Variants in STK39 observed in about 807,000 individuals in gnomAD.
The protein encoded by STK39 is serine/threonine kinase 39, also known as STE20/SPS1-related proline-alanine-rich protein kinase.
A neutral mutation model predicts 77.8 loss-of-function variants in STK39; 20 were observed. That is an observed-to-expected ratio of 0.26 (90% CI 0.18 to 0.37). The LOEUF (loss-of-function observed/expected upper bound fraction) is 0.37. STK39 is among the 10% of genes least tolerant of loss of function. The probability of loss-of-function intolerance (pLI) is 1.00; values close to 1 mark genes in which losing one functional copy is unlikely to be tolerated. For missense variants in STK39, 479 were observed against 656.5 expected (o/e 0.73, Z 2.95); for synonymous variants, 246 against 234.1 (o/e 1.05, Z -0.47).
intron 8 of STK39, among the ~76,000 whole-genome samples, chr2:168,132,278 C>T (rs768411404): frequency 6.6e-6 from 1 of 151,800 alleles, no homozygotes; most frequent in Non-Finnish European, 1.5e-5. Context: ...TGTTTGAAGC[C>T]CTCATCATCT....
intron 14 of STK39, among the ~76,000 whole-genome samples, chr2:168,056,105 G>A (rs1334776140): frequency 2.0e-5 from 3 of 152,064 alleles, no homozygotes; most frequent in African/African-American, 7.3e-5. Context: ...GTCTAATCCT[G>A]TTCTCTGATA....
intron 5 of STK39, among the ~76,000 whole-genome samples, chr2:168,146,562 C>A (rs1025870912): frequency 6.6e-6 from 1 of 152,148 alleles, no homozygotes; most frequent in African/African-American, 2.4e-5. Context: ...TTCCTACAAG[C>A]AGCTTCTTTT....
In STK39 at chr2:167,954,315, A is replaced by C. The variant is rs1296244909; in HGVS notation, c.*1181T>G. 6.6e-6 allele frequency: 1 copy of C among 152,506 alleles called. No homozygotes were observed. Among genetic ancestry groups the C allele is most frequent in the Non-Finnish European group, 1.5e-5 (1 of 68,024 alleles). 9.4% of individuals were successfully genotyped at this position (152,506 alleles called of 1,614,324 possible). ...TTAGACTCCAATTTTCAAAATCCTA[A>C]GGTTTACTAGTTCCATAATATACAG... On this transcript the variant is annotated 3_prime_UTR_variant, in exon 18 of 18. Transcript: ENST00000355999.
At chr2:168,139,091 T>C (rs1343109953) in intron 7 of STK39, among the ~76,000 whole-genome samples, 1 of 152,168 alleles carries the variant, frequency 6.6e-6, no homozygotes, top group Non-Finnish European at 1.5e-5. Flanking sequence ...CGGCTTATTG[T>C]TTGTGGAGGA....
intron 17 of STK39, among the ~76,000 whole-genome samples, chr2:167,960,146 A>T (rs1002202395): frequency 5.9e-5 from 9 of 152,196 alleles, no homozygotes; most frequent in Non-Finnish European, 8.8e-5. Context: ...CCCAAGTGGA[A>T]GGTTTCCTCC....
At chr2:168,191,432 C>G (rs894220338) in intron 1 of STK39, among the ~76,000 whole-genome samples, 1 of 152,150 alleles carries the variant, frequency 6.6e-6, no homozygotes, top group Middle Eastern at 3.2e-3. Flanking sequence ...CCCAGTACAA[C>G]AACTCCAGAG....
At chr2:168,212,981 T>A (rs1169877636) in intron 1 of STK39, among the ~76,000 whole-genome samples, 2 of 152,182 alleles carry the variant, frequency 1.3e-5, no homozygotes. Flanking sequence ...CTGCCAATAT[T>A]TAGTCATATT....
intron 14 of STK39, among the ~76,000 whole-genome samples, chr2:168,028,208 A>G (rs1684749296): frequency 6.6e-6 from 1 of 152,204 alleles, no homozygotes; most frequent in Non-Finnish European, 1.5e-5. Flanking sequence ...AGGAATGTGC[A>G]AAGAGTAATA....
intron 16 of STK39, among the ~76,000 whole-genome samples, chr2:168,010,443 A>C (rs1003937849): frequency 2.0e-5 from 3 of 152,232 alleles, no homozygotes; most frequent in African/African-American, 4.8e-5. Flanking sequence ...AAGTTGAATC[A>C]ATCTTTTTTC....
intron 14 of STK39, among the ~76,000 whole-genome samples, chr2:168,025,692 CTT>C (rs1684678670): frequency 1.3e-5 from 2 of 152,114 alleles, no homozygotes; most frequent in South Asian, 4.1e-4. Flanking sequence ...AATTGTTGTA[CTT>C]AATGAGACAT....
In STK39 at chr2:168,144,919, C is replaced by T. The variant is rs185790369; in HGVS notation, c.629-4161G>A. Among the ~76,000 whole-genome samples the T allele has an allele frequency of 1.5e-3, 222 of 150,424 alleles. 1 individual carries two copies. Among genetic ancestry groups the T allele is most frequent in the Non-Finnish European group, 2.5e-3 (166 of 67,752 alleles). ...TCGCTTGAGCCCAGGAGGTCGAGGACGCAGTAAGCCATGATCATGCCACTG... is the reference window on the plus strand; with the variant it reads ...TCGCTTGAGCCCAGGAGGTCGAGGATGCAGTAAGCCATGATCATGCCACTG... On this transcript the variant is annotated intron_variant, in intron 5 of 17. Coordinates refer to ENST00000355999, the MANE Select transcript of STK39 (RefSeq NM_013233.3).
chr2:168,129,441 G>A (rs1358279901), intron 10 of STK39, 100 bp downstream of exon 10: 3 of 1,314,154 alleles, frequency 2.3e-6, no homozygotes, highest in Admixed American at 3.7e-5. Context: ...CGTCTGAATA[G>A]TATATCCTGC....
chr2:168,011,415 C>G (rs1684267753), intron 16 of STK39, among the ~76,000 whole-genome samples: 1 of 151,866 alleles, frequency 6.6e-6, no homozygotes, highest in South Asian at 2.1e-4. Flanking sequence ...ATATATTCCC[C>G]TAAGTAATAC....
intron 17 of STK39, among the ~76,000 whole-genome samples, chr2:167,962,990 T>A (rs1433895134): frequency 6.6e-6 from 1 of 152,162 alleles, no homozygotes; most frequent in Non-Finnish European, 1.5e-5. Flanking sequence ...CAGACCAGGC[T>A]TCATTAGCCT....
intron 10 of STK39, among the ~76,000 whole-genome samples, chr2:168,126,563 G>A (rs895263800): frequency 5.3e-5 from 8 of 152,148 alleles, no homozygotes; most frequent in South Asian, 2.1e-4. Context: ...CGGGGCTTGC[G>A]GGGAGACTAC....
intron 5 of STK39, among the ~76,000 whole-genome samples, chr2:168,152,417 T>G (rs987929620): frequency 3.3e-5 from 5 of 152,174 alleles, no homozygotes; most frequent in Admixed American, 1.3e-4. Flanking sequence ...ATTTGAACAT[T>G]TTGATGCAAG....
chr2:168,247,373 T>G lies in STK39; in HGVS notation c.63A>C (p.Thr21=), dbSNP rs1181007303. 1.9e-5 allele frequency: 19 copies of G among 984,444 alleles called. No individual in the cohort carries two copies. Among genetic ancestry groups the G allele is most frequent in the Admixed American group, 1.0e-4 (2 of 19,306 alleles). The allele number at this position is 984,444 out of a possible 1,614,324, so 61.0% of individuals were successfully genotyped here. A position where few individuals can be genotyped will look rare whatever the true frequency, so the allele number is the denominator to read the frequency against. The change falls in exon 1 of 18, where the codon ACA becomes ACC. Residue 21 remains threonine (T), a synonymous_variant. Coordinates refer to ENST00000355999, the MANE Select transcript of STK39 (RefSeq NM_013233.3). ...CCGCCGGGGCCGCCGCCGCCGCCGCTGTCACCGGGGCCGCCTGCTGGGGAA... is the reference window on the plus strand; with the variant it reads ...CCGCCGGGGCCGCCGCCGCCGCCGCGGTCACCGGGGCCGCCTGCTGGGGAA... ...VQLPQQAAPV[T]AAAAAAPAAA...
At chr2:168,028,429 C>T (rs1041599938) in intron 14 of STK39, among the ~76,000 whole-genome samples, 1 of 152,114 alleles carries the variant, frequency 6.6e-6, no homozygotes, top group Non-Finnish European at 1.5e-5. Context: ...ACTATAATGT[C>T]ACATGTAGCA....
intron 10 of STK39, among the ~76,000 whole-genome samples, chr2:168,127,855 G>C (rs530336181): frequency 6.6e-6 from 1 of 152,278 alleles, no homozygotes; most frequent in East Asian, 1.9e-4. Context: ...GGAGAAAAAG[G>C]TTTCAACCAA....
Sources: allele counts gnomAD v4.1 joint callset (sites outside exome capture counted in the v4.1 genomes callset), GRCh38; gene constraint gnomAD v4.1.1; transcripts MANE v1.5; gene names NCBI Gene and HGNC (gene_info 2026-07-23, HGNC 2026-07-21).